Variants in UBE2O observed in about 807,000 individuals in gnomAD.
UBE2O encodes the protein (E3-independent) E2 ubiquitin-conjugating enzyme.
In UBE2O, 15 loss-of-function variants were observed where a neutral mutation model predicts 125.8. That is an observed-to-expected ratio of 0.12 (90% CI 0.08 to 0.18). UBE2O has a LOEUF of 0.18. Ranked by LOEUF, UBE2O falls within the 10% of genes least tolerant of loss-of-function variation. The probability of loss-of-function intolerance (pLI) is 1.00; values close to 1 mark genes in which losing one functional copy is unlikely to be tolerated. For missense variants in UBE2O, 1,280 were observed against 1,723.6 expected (o/e 0.74, Z 4.56); for synonymous variants, 708 against 703.2 (o/e 1.01, Z -0.11).
At chr17:76,433,246 G>C (rs182809839) in intron 1 of UBE2O, among the ~76,000 whole-genome samples, 1 of 151,486 alleles carries the variant, frequency 6.6e-6, no homozygotes, top group South Asian at 2.1e-4. Context: ...CCATATGATA[G>C]AATATTATTC....
In UBE2O at chr17:76,391,424, G is replaced by A; in HGVS notation, c.3398C>T (p.Thr1133Ile). The change falls in exon 18 of 18, where the codon ACT becomes ATT. Residue 1133 changes from threonine to isoleucine, a missense_variant. Coordinates refer to ENST00000319380, the MANE Select transcript of UBE2O (RefSeq NM_022066.4). The surrounding 1 kb of genome is among the most constrained non-coding windows in gnomAD (Gnocchi z 8.4). ...ACGGTTCACCAGCCGCCAGCCACCAGTGCTAAAGTGTTGCCTGATCTCCTG... is the reference window on the plus strand; with the variant it reads ...ACGGTTCACCAGCCGCCAGCCACCAATGCTAAAGTGTTGCCTGATCTCCTG... Reference protein sequence around the residue: ...FEQEIRQHFSTGGWRLVNRIE... With the variant: ...FEQEIRQHFSIGGWRLVNRIE... 6.2e-7 allele frequency: 1 copy of A among 1,613,718 alleles called. No homozygotes were observed. Among genetic ancestry groups the A allele is most frequent in the Non-Finnish European group, 8.5e-7 (1 of 1,180,042 alleles).
At position 76,452,756 on chromosome 17, in the gene UBE2O, T is replaced by A; in HGVS notation, c.386A>T (p.Glu129Val). 6.6e-7 allele frequency: 1 copy of A among 1,510,902 alleles called. No individual in the cohort carries two copies. Among genetic ancestry groups the A allele is most frequent in the Admixed American group, 2.2e-5 (1 of 45,662 alleles). The allele number at this position is 1,510,902 out of a possible 1,614,324, so 93.6% of individuals were successfully genotyped here. A position where few individuals can be genotyped will look rare whatever the true frequency, so the allele number is the denominator to read the frequency against. The change falls in exon 1 of 18, where the codon GAG (glutamate) becomes GTG (valine). Residue 129 changes from glutamate to valine, a missense_variant. By Grantham distance (121) the Glu-to-Val change is moderately radical. Around this residue, in one of 10 missense-constraint regions of UBE2O, gnomAD observed 188 missense variants for 192.5 expected, o/e 0.98. Coordinates refer to ENST00000319380, the MANE Select transcript of UBE2O (RefSeq NM_022066.4). The surrounding 1 kb of genome is among the most constrained non-coding windows in gnomAD (Gnocchi z 4.4). The stretch of plus-strand genomic sequence containing the variant: ...CTCCTTCACATGCTGCTTGACGCCC[T>A]CCGGGTACCACTGGACGCGCACGTA... ...RGYVRVQWYP[E>V]GVKQHVKETK...
chr17:76,393,370 T>A (rs1404082099), intron 15 of UBE2O, among the ~76,000 whole-genome samples: 1 of 151,516 alleles, frequency 6.6e-6, no homozygotes, highest in Non-Finnish European at 1.5e-5. Flanking sequence ...GTTCAAGCGA[T>A]TCTCTGCTTC....
At chr17:76,450,865 C>A (rs2073228899) in intron 1 of UBE2O, among the ~76,000 whole-genome samples, 1 of 152,236 alleles carries the variant, frequency 6.6e-6, no homozygotes, top group African/African-American at 2.4e-5. Context: ...AGGTGATCCG[C>A]CCGCCTCGGC....
chr17:76,447,770 C>T (rs575525145), intron 1 of UBE2O, among the ~76,000 whole-genome samples: 1 of 152,182 alleles, frequency 6.6e-6, no homozygotes, highest in Non-Finnish European at 1.5e-5. Context: ...AACCACCTTC[C>T]CCACAACCCG....
intron 1 of UBE2O, among the ~76,000 whole-genome samples, chr17:76,434,828 C>T (rs2072962829): frequency 6.7e-6 from 1 of 150,242 alleles, no homozygotes; most frequent in Non-Finnish European, 1.5e-5. Context: ...TTTGTCTCTG[C>T]CCTCACAAAG....
chr17:76,450,222 G>A (rs1393888402), intron 1 of UBE2O, among the ~76,000 whole-genome samples: 1 of 152,088 alleles, frequency 6.6e-6, no homozygotes, highest in Non-Finnish European at 1.5e-5. Context: ...TAAGGAGCAG[G>A]AGGTGAGAAG....
At chr17:76,411,621 T>G (rs771331138) in intron 1 of UBE2O, among the ~76,000 whole-genome samples, 16 of 152,232 alleles carry the variant, frequency 1.1e-4, no homozygotes, top group Non-Finnish European at 1.5e-4. Context: ...GGGTGCTCTC[T>G]TTTAATCCCG....
intron 5 of UBE2O, chr17:76,401,699 A>C (rs1235775127): frequency 5.7e-6 from 1 of 175,604 alleles, no homozygotes; most frequent in Non-Finnish European, 1.2e-5. Flanking sequence ...AACATGGTGA[A>C]ACCTCATCTC....
rs559464572 is a variant in UBE2O, at chr17:76,402,257, C to T, written c.687-130G>A. 1.5e-5 allele frequency: 12 copies of T among 801,754 alleles called. No individual in the cohort carries two copies. The highest frequency in any genetic ancestry group is 1.1e-4 in the East Asian group (4 of 37,304). The allele number at this position is 801,754 out of a possible 1,614,324, so 49.7% of individuals were successfully genotyped here. A position where few individuals can be genotyped will look rare whatever the true frequency, so the allele number is the denominator to read the frequency against. ...TTCGTCTTCTACCATCAACTCAGCC[C>T]GAGGTAGTACAAGAAACTCTCCCAC... On this transcript the variant is annotated intron_variant, in intron 4 of 17. Coordinates refer to ENST00000319380, the MANE Select transcript of UBE2O (RefSeq NM_022066.4). This position sits in a 1 kb window ranked among gnomAD's most constrained non-coding sequence, Gnocchi z 5.4.
chr17:76,441,999 C>T (rs1332481284), intron 1 of UBE2O, among the ~76,000 whole-genome samples: 1 of 152,206 alleles, frequency 6.6e-6, no homozygotes, highest in African/African-American at 2.4e-5. Context: ...CGTACTTAGC[C>T]ATCCTCCTAA....
intron 1 of UBE2O, among the ~76,000 whole-genome samples, chr17:76,412,552 C>G (rs1452788693): frequency 2.0e-5 from 3 of 152,158 alleles, no homozygotes; most frequent in Admixed American, 2.0e-4. Context: ...TCTCCCTCCC[C>G]TCCTGTCTCA....
chr17:76,392,110 G>A lies in UBE2O; in HGVS notation c.2950C>T (p.Leu984Phe). ...GGGCCCTTGATGAGAGCTGAGAAGA[G>A]GTCCTAGGTAGGGAGGGAGGGAGGG... ...MVKTFEDRMD[L>F]FSALIKGPTR... Residue 984 changes from leucine to phenylalanine, a missense_variant, in exon 16 of 18, where the codon CTC (leucine) becomes TTC (phenylalanine). Around this residue, in one of 10 missense-constraint regions of UBE2O, gnomAD observed 116 missense variants for 154.8 expected, o/e 0.75. Coordinates refer to ENST00000319380, the MANE Select transcript of UBE2O (RefSeq NM_022066.4). The A allele has an allele frequency of 6.6e-7, 1 of 1,504,022 alleles. No homozygotes were observed. Among genetic ancestry groups the A allele is most frequent in the Non-Finnish European group, 8.9e-7 (1 of 1,127,948 alleles). 93.2% of individuals were successfully genotyped at this position (1,504,022 alleles called of 1,614,324 possible).
chr17:76,425,410 C>T (rs2072795946), intron 1 of UBE2O, among the ~76,000 whole-genome samples: 1 of 151,560 alleles, frequency 6.6e-6, no homozygotes, highest in Non-Finnish European at 1.5e-5. Flanking sequence ...ACAGGCAGTC[C>T]CCCATCTTAC....
rs2072402916 is a variant in UBE2O, at chr17:76,405,617, C to A, written c.418-45G>T. ...TGTGAGAGAATGGACTCTGAAGCCA[C>A]CACAGAATACAGTTTTCTTCCAGCT... On this transcript the variant is annotated intron_variant, in intron 1 of 17. Coordinates refer to ENST00000319380, the MANE Select transcript of UBE2O (RefSeq NM_022066.4). The surrounding 1 kb of genome is among the most constrained non-coding windows in gnomAD (Gnocchi z 6.1). The A allele has an allele frequency of 1.3e-6, 2 of 1,490,956 alleles. No homozygotes were observed. The highest frequency in any genetic ancestry group is 1.8e-6 in the Non-Finnish European group (2 of 1,088,134). The allele number at this position is 1,490,956 out of a possible 1,614,324, so 92.4% of individuals were successfully genotyped here.
chr17:76,401,464 A>G (rs1411166824), intron 5 of UBE2O, among the ~76,000 whole-genome samples: 4 of 152,188 alleles, frequency 2.6e-5, no homozygotes, highest in Non-Finnish European at 5.9e-5. Flanking sequence ...CACCCCCTGT[A>G]TATCTACTTG....
At position 76,395,055 on chromosome 17, in the gene UBE2O, T is replaced by TA. The variant is rs35976162; in HGVS notation, c.2946+669dup. 0.64 allele frequency among the ~76,000 whole-genome samples: 97,620 copies of TA among 151,776 alleles called. 31,712 individuals are homozygous for TA. Among genetic ancestry groups the TA allele is most frequent in the South Asian group, 0.7 (3,386 of 4,810 alleles). ...CACATCCGGCTAATTTTTGTATTTT[T>TA]AGTAGAGACAGGGTTTCACCGGGTT... On this transcript the variant is annotated intron_variant, in intron 15 of 17. Coordinates refer to ENST00000319380, the MANE Select transcript of UBE2O (RefSeq NM_022066.4). This position sits in a 1 kb window ranked among gnomAD's most constrained non-coding sequence, Gnocchi z 5.0.
At chr17:76,432,321 TAAG>T (rs2072919389) in intron 1 of UBE2O, among the ~76,000 whole-genome samples, 2 of 152,192 alleles carry the variant, frequency 1.3e-5, no homozygotes, top group South Asian at 4.1e-4. Flanking sequence ...TCCCACTGTG[TAAG>T]AAGTACTATA....
chr17:76,401,223 C>A, intron 5 of UBE2O, 69 bp from the exon 6 acceptor site: 6 of 1,563,450 alleles, frequency 3.8e-6, no homozygotes, highest in Non-Finnish European at 4.3e-6. Flanking sequence ...GCTCTCCACG[C>A]CTGTGCCCGC....
Sources: gnomAD v4.1 joint callset for allele counts (sites outside exome capture counted in the v4.1 genomes callset) on GRCh38, gnomAD v4.1.1 for gene constraint, gnomAD v4.1.1 regional missense constraint, Gnocchi (gnomAD v3.1) non-coding constraint, MANE v1.5 for transcripts, NCBI Gene and HGNC (gene_info 2026-07-23, HGNC 2026-07-21) for gene names.